The following EFCAB13 variants were observed in gnomAD, a reference collection of about 807,000 sequenced individuals.
EFCAB13 encodes EF-hand calcium-binding domain-containing protein 13.
Under a neutral mutation model 110.2 loss-of-function variants are expected in EFCAB13, and 91 were observed. That is an observed-to-expected ratio of 0.83 (90% CI 0.70 to 0.98). The LOEUF is 0.98. Ranked by LOEUF, EFCAB13 falls within the 50% of genes least tolerant of loss-of-function variation. The pLI is 0.00. For synonymous variants in EFCAB13, 323 were observed against 369.9 expected, an observed-to-expected ratio of 0.87 and a Z score of 1.45; for missense variants, 968 against 1,119.4, an observed-to-expected ratio of 0.86 and a Z score of 1.93.
intron 23 of EFCAB13, among the ~76,000 whole-genome samples, chr17:47,420,843 C>A (rs1904664057): frequency 1.3e-5 from 2 of 152,056 alleles, no homozygotes; most frequent in African/African-American, 4.8e-5. Flanking sequence ...AGGCCAGCCA[C>A]CCCGTCCGGG....
chr17:47,374,802 C>T lies in EFCAB13; in HGVS notation c.1208C>T (p.Ser403Leu). Residue 403 changes from serine (S) to leucine (L), a missense_variant, in exon 12 of 25, where the codon TCA becomes TTA. Ser to Leu is a moderately radical substitution (Grantham distance 145). Transcript: ENST00000331493. The part of the protein sequence containing the change: ...KHSEKGEIHD[S>L]KSKPQSLKSS... ...TCAGAGAAGGGTGAAATTCATGACT[C>T]AAAGTCTAAACCACAAAGCTTGAAG... is the stretch of plus-strand genomic sequence containing the variant. 1.2e-6 allele frequency: 2 copies of T among 1,613,956 alleles called. No individual in the cohort carries two copies.
chr17:47,402,317 G>A (rs1426812206), intron 18 of EFCAB13, 114 bp downstream of exon 18: 2 of 968,108 alleles, frequency 2.1e-6, no homozygotes, highest in African/African-American at 1.7e-5. Context: ...TGTTGGCATT[G>A]ATATGTTTAT....
chr17:47,430,046 G>A, intron 24 of EFCAB13, 85 bp downstream of exon 24: 1 of 1,424,950 alleles, frequency 7.0e-7, no homozygotes, highest in Non-Finnish European at 9.3e-7. Flanking sequence ...TGCAGGGATG[G>A]AGGGTATCCT....
rs562975151 is a variant in EFCAB13, at chr17:47,421,083, G to A, written c.2494+6164G>A. Among the ~76,000 whole-genome samples the A allele has an allele frequency of 3.2e-4, 48 of 150,810 alleles. 2 individuals carry two copies. The South Asian group carries it at 4.2e-3, about 13-fold the overall frequency. ...CGGGAGGTGAGGGGCGCCTCTGCCC[G>A]GCCGCGCCTACTGGGAAGTGAGGAG... On this transcript the variant is annotated intron_variant, in intron 23 of 24. Coordinates refer to ENST00000331493, the MANE Select transcript of EFCAB13 (RefSeq NM_152347.5).
chr17:47,434,979 G>C (rs371625083), intron 24 of EFCAB13, among the ~76,000 whole-genome samples: 20 of 151,964 alleles, frequency 1.3e-4, no homozygotes, highest in African/African-American at 4.4e-4. Flanking sequence ...ATTGGCTTAG[G>C]CAAAGAGTTC....
At chr17:47,369,438 G>T (rs1205569850) in intron 10 of EFCAB13, among the ~76,000 whole-genome samples, 1 of 152,166 alleles carries the variant, frequency 6.6e-6, no homozygotes, top group Non-Finnish European at 1.5e-5. Flanking sequence ...CTTGGAGCTG[G>T]AGGCATTTGT....
intron 15 of EFCAB13, among the ~76,000 whole-genome samples, chr17:47,392,620 A>G (rs1466776772): frequency 1.3e-5 from 2 of 152,202 alleles, no homozygotes; most frequent in African/African-American, 4.8e-5. Flanking sequence ...GGCAACATAT[A>G]TGATAAAGTG....
At chr17:47,403,804 T>G (rs2143448827) in intron 18 of EFCAB13, 74 bp from the exon 19 acceptor site, 1 of 1,376,956 alleles carries the variant, frequency 7.3e-7, no homozygotes, top group Non-Finnish European at 9.8e-7. Context: ...AATAATAAAC[T>G]ATGGATTTCC....
At chr17:47,367,076 C>T (rs2065550956) in intron 10 of EFCAB13, among the ~76,000 whole-genome samples, 1 of 152,140 alleles carries the variant, frequency 6.6e-6, no homozygotes, top group Non-Finnish European at 1.5e-5. Flanking sequence ...AATCAATCTA[C>T]CACAAGTGCC....
intron 4 of EFCAB13, among the ~76,000 whole-genome samples, chr17:47,330,088 G>A (rs935696497): frequency 3.5e-4 from 53 of 151,910 alleles, no homozygotes; most frequent in African/African-American, 1.2e-3. Flanking sequence ...ACCTTTGATC[G>A]ACTGGATGCC....
intron 9 of EFCAB13, among the ~76,000 whole-genome samples, chr17:47,357,300 C>T (rs747394942): frequency 2.0e-5 from 3 of 152,136 alleles, no homozygotes; most frequent in Admixed American, 1.3e-4. Context: ...CAAAAGTTCA[C>T]GATGTGAGTG....
intron 14 of EFCAB13, among the ~76,000 whole-genome samples, chr17:47,380,593 C>G (rs1024170108): frequency 6.6e-6 from 1 of 152,134 alleles, no homozygotes; most frequent in South Asian, 2.1e-4. Context: ...TGGGTATATA[C>G]CCAGTAATGG....
intron 9 of EFCAB13, among the ~76,000 whole-genome samples, chr17:47,354,177 T>A (rs954249731): frequency 5.1e-4 from 78 of 152,336 alleles, no homozygotes; most frequent in African/African-American, 1.8e-3. Context: ...TCCCTGTATT[T>A]GCATAGTTTT....
intron 23 of EFCAB13, among the ~76,000 whole-genome samples, chr17:47,420,878 C>T (rs543135444): frequency 0.11 from 16,734 of 149,824 alleles, 1,037 homozygotes; most frequent in Non-Finnish European, 0.16. Flanking sequence ...GTCAGCCCCC[C>T]GCCCGGCCAG....
intron 9 of EFCAB13, among the ~76,000 whole-genome samples, chr17:47,359,245 A>G (rs900156777): frequency 1.3e-5 from 2 of 152,100 alleles, no homozygotes; most frequent in African/African-American, 4.8e-5. Context: ...GAGGTGGGAG[A>G]ATCGCTTGAG....
At chr17:47,370,548 A>G (rs375029094) in intron 11 of EFCAB13, 40 bp downstream of exon 11, 1 of 1,354,626 alleles carries the variant, frequency 7.4e-7, no homozygotes, top group Admixed American at 1.9e-5. Context: ...TTTGTTTATA[A>G]TTAAAGTCTT....
At chr17:47,357,440 A>C (rs553798718) in intron 9 of EFCAB13, among the ~76,000 whole-genome samples, 97 of 152,038 alleles carry the variant, frequency 6.4e-4, no homozygotes, top group Non-Finnish European at 1.1e-3. Context: ...ACAAAGCATA[A>C]ATTACTATTT....
chr17:47,392,696 A>G (rs2065714503), intron 15 of EFCAB13, among the ~76,000 whole-genome samples: 1 of 152,206 alleles, frequency 6.6e-6, no homozygotes, highest in Non-Finnish European at 1.5e-5. Context: ...ATTCAAATGG[A>G]AAGAATAGTT....
At chr17:47,348,633 G>A (rs1407131548) in intron 9 of EFCAB13, among the ~76,000 whole-genome samples, 1 of 151,816 alleles carries the variant, frequency 6.6e-6, no homozygotes, top group Non-Finnish European at 1.5e-5. Context: ...AAAAATTATG[G>A]TTGTTCTAAT....
Sources: allele counts gnomAD v4.1 joint callset (sites outside exome capture counted in the v4.1 genomes callset), GRCh38; gene constraint gnomAD v4.1.1; transcripts MANE v1.5; gene names NCBI Gene and HGNC (gene_info 2026-07-23, HGNC 2026-07-21).